The following LYZL4 variants were observed in gnomAD, a reference collection of about 807,000 sequenced individuals.
LYZL4 encodes the protein lysozyme-like protein 4.
LYZL4 carries 13 observed loss-of-function variants against 17.6 expected under a neutral mutation model. The ratio of observed to expected loss-of-function variants is 0.74; its 90% CI spans 0.48 to 1.18. The LOEUF (loss-of-function observed/expected upper bound fraction) is 1.18. Ranked by LOEUF, LYZL4 falls within the 50% of genes most tolerant of loss-of-function variation. LYZL4 has a pLI of 0.00. For missense variants in LYZL4, 174 were observed against 188.2 expected (o/e 0.92, Z 0.44); for synonymous variants, 64 against 67.7 (o/e 0.95, Z 0.27).
At position 42,403,999 on chromosome 3, in the gene LYZL4, A is replaced by G. The variant is rs371592786; in HGVS notation, c.371+47T>C. ...TTAGCCAAGATTCAGATTAGAGATC[A>G]TGAGTGAAAGTCGTTAATACAGGCT... On this transcript the variant is annotated intron_variant, in intron 4 of 4. Transcript: ENST00000287748. 7.4e-5 allele frequency: 97 copies of G among 1,316,930 alleles called. No homozygotes were observed. The Middle Eastern group carries it at 9.0e-4, about 12-fold the overall frequency. 81.6% of individuals were successfully genotyped at this position (1,316,930 alleles called of 1,614,324 possible).
chr3:42,390,942 A>G, the LYZL4 span, among the ~76,000 whole-genome samples: 2 of 152,150 alleles, frequency 1.3e-5, no homozygotes, highest in Admixed American at 6.5e-5. Flanking sequence ...GGGGATTTCA[A>G]TTATTAAGGC....
Position 42,397,267 on chromosome 3 carries a change from A to G in LYZL4, c.439T>C (p.Ter147GlnextTer16). The G allele has an allele frequency of 6.4e-7, 1 of 1,562,536 alleles. No individual in the cohort carries two copies. The highest frequency in any genetic ancestry group is 1.2e-5 in the South Asian group (1 of 84,610). Residue 147 changes from the stop codon to glutamine, a stop_lost, in exon 5 of 5, where the codon TAG (stop) becomes CAG (glutamine). Coordinates refer to ENST00000287748, the MANE Select transcript of LYZL4 (RefSeq NM_144634.4). ...LARWLDGCKL[*>Q] is the part of the protein sequence containing the mutation. ...TGCTGCAGGGGCCATGCAGGTGGCT[A>G]CAGCTTGCAACCATCCAGCCACCGT... is the stretch of plus-strand genomic sequence containing the variant.
chr3:42,397,193 G>T lies in LYZL4; in HGVS notation c.*72C>A. ...GGTGAGATCATCAAAAGGATTGACT[G>T]AAGCAGCAAGCAGAAAAGCACCTTC... On this transcript the variant is annotated 3_prime_UTR_variant, in exon 5 of 5. Transcript: ENST00000287748. 9.5e-7 allele frequency: 1 copy of T among 1,047,706 alleles called. No individual in the cohort carries two copies. Among genetic ancestry groups the T allele is most frequent in the Non-Finnish European group, 1.4e-6 (1 of 699,960 alleles). The allele number at this position is 1,047,706 out of a possible 1,614,324, so 64.9% of individuals were successfully genotyped here. A position where few individuals can be genotyped will look rare whatever the true frequency, so the allele number is the denominator to read the frequency against.
chr3:42,366,993 A>G, the LYZL4 span, among the ~76,000 whole-genome samples: 1 of 152,200 alleles, frequency 6.6e-6, no homozygotes, highest in South Asian at 2.1e-4. Context: ...TTGCCGAGTG[A>G]TCAAGTGAAT....
intron 3 of LYZL4, among the ~76,000 whole-genome samples, chr3:42,405,056 C>CT (rs915938847): frequency 2.1e-4 from 31 of 148,846 alleles, no homozygotes; most frequent in African/African-American, 3.2e-4. Flanking sequence ...TCATGTCGTT[C>CT]TTTTTTTTTT....
At chr3:42,376,576 AG>A in the LYZL4 span, among the ~76,000 whole-genome samples, 1 of 152,344 alleles carries the variant, frequency 6.6e-6, no homozygotes, top group East Asian at 1.9e-4. Flanking sequence ...GGAACTTAAA[AG>A]ATTGAATTTC....
the LYZL4 span, among the ~76,000 whole-genome samples, chr3:42,374,630 A>G: frequency 3.7e-4 from 56 of 152,328 alleles, no homozygotes; most frequent in African/African-American, 1.3e-3. Context: ...TACAGAATCA[A>G]CAACACTGAT....
the LYZL4 span, among the ~76,000 whole-genome samples, chr3:42,373,437 G>C: frequency 6.6e-6 from 1 of 152,086 alleles, no homozygotes; most frequent in South Asian, 2.1e-4. Flanking sequence ...ACTGTGTTGA[G>C]AGAATTTCTT....
downstream of LYZL4, among the ~76,000 whole-genome samples, chr3:42,392,822 G>A (rs536939176): frequency 3.2e-4 from 49 of 152,304 alleles, 1 homozygote; most frequent in Admixed American, 2.9e-3. Flanking sequence ...ATGAGGTGGC[G>A]TTCAAAGAGT....
chr3:42,368,429 T>C, the LYZL4 span, among the ~76,000 whole-genome samples: 4 of 152,214 alleles, frequency 2.6e-5, no homozygotes, highest in African/African-American at 9.6e-5. Flanking sequence ...ATCCAGCTGA[T>C]AGTATTCTAT....
At position 42,397,154 on chromosome 3, in the gene LYZL4, G is replaced by A; in HGVS notation, c.*111C>T. 1 of 768,870 alleles carries A rather than the reference G, an allele frequency of 1.3e-6. No homozygotes were observed. Among genetic ancestry groups the A allele is most frequent in the East Asian group, 2.8e-5 (1 of 36,198 alleles). 47.6% of individuals were successfully genotyped at this position (768,870 alleles called of 1,614,324 possible). A position where few individuals can be genotyped will look rare whatever the true frequency, so the allele number is the denominator to read the frequency against. Reference sequence around the variant, plus strand: ...AGCAAACTTTTGTCTTTTTCCATCTGGAACTCTTAAAGTGGTGAGATCATC... The same window carrying A: ...AGCAAACTTTTGTCTTTTTCCATCTAGAACTCTTAAAGTGGTGAGATCATC... On this transcript the variant is annotated 3_prime_UTR_variant, in exon 5 of 5. Transcript: ENST00000287748.
chr3:42,393,374 C>T (rs1011487465), downstream of LYZL4, among the ~76,000 whole-genome samples: 39 of 151,748 alleles, frequency 2.6e-4, no homozygotes, highest in African/African-American at 9.4e-4. Context: ...CAACCAGGCC[C>T]TCCTGGTGGC....
At chr3:42,393,337 G>GCGCACACACACACACACA (rs1553627599), downstream of LYZL4, among the ~76,000 whole-genome samples, 4 of 148,912 alleles carry the variant, frequency 2.7e-5, no homozygotes, top group Admixed American at 6.7e-5. Flanking sequence ...GTGTGCGCGT[G>GCGCACACACACACACACA]CACACACACA....
Position 42,404,416 on chromosome 3 carries a change from C to G in LYZL4, c.293-292G>C, listed in dbSNP as rs1036338034. On this transcript the variant is annotated intron_variant, in intron 3 of 4. Transcript: ENST00000287748. ...GCCCAGGATCATGATCTGTTCTAAC[C>G]CTTCACTTAACCTATCTGGATCCTT... Among the ~76,000 whole-genome samples the G allele has an allele frequency of 2.0e-5, 3 of 152,228 alleles. 1 individual carries two copies. Among genetic ancestry groups the G allele is most frequent in the African/African-American group, 7.2e-5 (3 of 41,530 alleles).
chr3:42,364,547 G>A, the LYZL4 span, among the ~76,000 whole-genome samples: 688 of 152,114 alleles, frequency 4.5e-3, 6 homozygotes, highest in African/African-American at 0.016. Context: ...GTTTCACCAT[G>A]TTAGCCAGGC....
chr3:42,387,044 G>C, the LYZL4 span, among the ~76,000 whole-genome samples: 4 of 151,930 alleles, frequency 2.6e-5, no homozygotes, highest in African/African-American at 4.8e-5. Context: ...CCACCTCAAG[G>C]CTTAATATTA....
At chr3:42,370,195 A>T in the LYZL4 span, among the ~76,000 whole-genome samples, 2 of 152,204 alleles carry the variant, frequency 1.3e-5, no homozygotes, top group Non-Finnish European at 2.9e-5. Context: ...GCTGGACTTC[A>T]GTATACTGCA....
At chr3:42,381,622 A>G in the LYZL4 span, among the ~76,000 whole-genome samples, 725 of 152,340 alleles carry the variant, frequency 4.8e-3, 5 homozygotes, top group African/African-American at 0.016. Flanking sequence ...TGGAAGGAAA[A>G]TCTATCTGAA....
chr3:42,381,846 T>A, the LYZL4 span, among the ~76,000 whole-genome samples: 1 of 152,230 alleles, frequency 6.6e-6, no homozygotes, highest in East Asian at 1.9e-4. Context: ...ACCTCCCTCC[T>A]AAAGGCGGAG....
Sources: gnomAD v4.1 joint callset for allele counts (sites outside exome capture counted in the v4.1 genomes callset) on GRCh38, gnomAD v4.1.1 for gene constraint, MANE v1.5 for transcripts, NCBI Gene and HGNC (gene_info 2026-07-23, HGNC 2026-07-21) for gene names.